Variants in ANO1 observed in about 807,000 individuals in gnomAD.
ANO1 encodes anoctamin 1.
A neutral mutation model predicts 124.0 loss-of-function variants in ANO1; 59 were observed. The observed-to-expected ratio is 0.48, with a 90% CI of 0.39 to 0.59. The LOEUF is 0.59. ANO1 is among the 20% of genes least tolerant of loss of function. ANO1 has a pLI of 0.00. For missense variants in ANO1, 1,059 were observed against 1,328.0 expected (o/e 0.80, Z 3.15); for synonymous variants, 529 against 532.0 (o/e 0.99, Z 0.08).
intron 1 of ANO1, among the ~76,000 whole-genome samples, chr11:70,035,629 C>G (rs1035626491): frequency 6.6e-6 from 1 of 151,804 alleles, no homozygotes; most frequent in African/African-American, 2.4e-5. Flanking sequence ...ATCAACTCAT[C>G]ATCTAAGTTT....
At chr11:70,118,962 G>T (rs967341364) in intron 8 of ANO1, among the ~76,000 whole-genome samples, 1 of 142,808 alleles carries the variant, frequency 7.0e-6, no homozygotes, top group Non-Finnish European at 1.5e-5. Context: ...GGGTAGGTGG[G>T]TGAATGGGTA....
chr11:70,088,153 A>T, intron 2 of ANO1, 69 bp downstream of exon 2: 1 of 651,284 alleles, frequency 1.5e-6, no homozygotes, highest in Non-Finnish European at 2.3e-6. Flanking sequence ...GTAGGGGGGC[A>T]GCTGCTTCCA....
intron 8 of ANO1, among the ~76,000 whole-genome samples, chr11:70,123,529 AC>A (rs2046378844): frequency 6.6e-6 from 1 of 151,936 alleles, no homozygotes; most frequent in Non-Finnish European, 1.5e-5. Context: ...CATGACCTTG[AC>A]TCTGAGTTTG....
chr11:70,179,127 G>A (rs2048843241), intron 22 of ANO1, among the ~76,000 whole-genome samples: 1 of 152,182 alleles, frequency 6.6e-6, no homozygotes, highest in South Asian at 2.1e-4. Context: ...TCCTGCACAG[G>A]TAGGATGTCC....
intron 15 of ANO1, among the ~76,000 whole-genome samples, chr11:70,156,586 G>C (rs1328825019): frequency 6.6e-6 from 1 of 152,184 alleles, no homozygotes; most frequent in African/African-American, 2.4e-5. Flanking sequence ...TCTAGACCTA[G>C]AAGTGAGACT....
intron 1 of ANO1, among the ~76,000 whole-genome samples, chr11:70,058,076 T>C (rs373300136): frequency 2.2e-4 from 33 of 152,220 alleles, no homozygotes; most frequent in Middle Eastern, 3.4e-3. Flanking sequence ...TGTGGGGTTG[T>C]TGGAAGGAGC....
chr11:70,052,318 T>C (rs1857360352), intron 1 of ANO1, among the ~76,000 whole-genome samples: 1 of 152,204 alleles, frequency 6.6e-6, no homozygotes, highest in South Asian at 2.1e-4. Context: ...TGTTGGTCGA[T>C]ATGAATATCA....
chr11:70,068,912 C>T (rs1294385394), intron 1 of ANO1, among the ~76,000 whole-genome samples: 1 of 152,178 alleles, frequency 6.6e-6, no homozygotes. Context: ...AGCTGATGGT[C>T]CCCAATGTCA....
chr11:70,111,142 AAAG>A (rs1231901198), intron 6 of ANO1: 3 of 456,890 alleles, frequency 6.6e-6, no homozygotes, highest in Non-Finnish European at 8.8e-6. Flanking sequence ...GCGAGGGAAG[AAAG>A]AAGGACTCCG....
At chr11:70,090,836 G>A (rs889137001) in intron 2 of ANO1, among the ~76,000 whole-genome samples, 2 of 152,164 alleles carry the variant, frequency 1.3e-5, no homozygotes, top group African/African-American at 4.8e-5. Flanking sequence ...CAGTTGATCT[G>A]GCCATGTTTA....
intron 1 of ANO1, among the ~76,000 whole-genome samples, chr11:69,996,808 G>T (rs1856278505): frequency 6.6e-6 from 1 of 152,210 alleles, no homozygotes; most frequent in South Asian, 2.1e-4. Flanking sequence ...AGGCCATCTT[G>T]GAGACCCATC....
intron 1 of ANO1, among the ~76,000 whole-genome samples, chr11:70,021,682 G>A (rs79412404): frequency 0.056 from 8,476 of 152,092 alleles, 300 homozygotes; most frequent in Non-Finnish European, 0.08. Context: ...AAATTCCAGC[G>A]GTGACATTTG....
intron 12 of ANO1, among the ~76,000 whole-genome samples, chr11:70,150,343 A>G (rs1327586770): frequency 6.6e-6 from 1 of 152,188 alleles, no homozygotes; most frequent in African/African-American, 2.4e-5. Context: ...GACATTCAAT[A>G]TTACGTAGCC....
At chr11:70,184,910 C>A (rs1301150320) in intron 24 of ANO1, among the ~76,000 whole-genome samples, 2 of 152,076 alleles carry the variant, frequency 1.3e-5, no homozygotes, top group African/African-American at 4.8e-5. Context: ...CCAGGCCCGG[C>A]TAATTTTTGT....
intron 2 of ANO1, among the ~76,000 whole-genome samples, chr11:70,088,787 C>T (rs1334503842): frequency 1.3e-5 from 2 of 152,178 alleles, no homozygotes; most frequent in Non-Finnish European, 1.5e-5. Flanking sequence ...GTCGGCCCTT[C>T]TCTGGGCCTC....
chr11:70,085,417 C>T, intron 1 of ANO1: 2 of 1,526,774 alleles, frequency 1.3e-6, no homozygotes, highest in African/African-American at 1.4e-5. Flanking sequence ...GCGGGGCACG[C>T]ACACTGAGTC....
intron 1 of ANO1, among the ~76,000 whole-genome samples, chr11:70,024,825 G>C (rs1856863890): frequency 7.4e-6 from 1 of 134,928 alleles, no homozygotes; most frequent in Non-Finnish European, 1.7e-5. Context: ...GGAGGACCTG[G>C]GCCTAGCAGG....
intron 11 of ANO1, among the ~76,000 whole-genome samples, chr11:70,136,304 A>C (rs2046953018): frequency 6.6e-6 from 1 of 152,156 alleles, no homozygotes; most frequent in Non-Finnish European, 1.5e-5. Flanking sequence ...TCGGTCCCAC[A>C]GGCCTCTGCA....
chr11:70,086,655 G>A (rs956455550), intron 1 of ANO1, among the ~76,000 whole-genome samples: 3 of 152,196 alleles, frequency 2.0e-5, no homozygotes, highest in Non-Finnish European at 4.4e-5. Context: ...GCCAAGAAAG[G>A]GCCAGAGCGG....
Sources: gnomAD v4.1 joint callset for allele counts (sites outside exome capture counted in the v4.1 genomes callset) on GRCh38, gnomAD v4.1.1 for gene constraint, MANE v1.5 for transcripts, NCBI Gene and HGNC (gene_info 2026-07-23, HGNC 2026-07-21) for gene names.